The following PTPRA variants were observed in gnomAD, a reference collection of about 807,000 sequenced individuals.
PTPRA encodes receptor-type tyrosine-protein phosphatase alpha.
Under a neutral mutation model 104.8 loss-of-function variants are expected in PTPRA, and 25 were observed. The observed-to-expected ratio is 0.24, with a 90% confidence interval of 0.17 to 0.33. The LOEUF is 0.33. Ranked by LOEUF, PTPRA falls within the 10% of genes least tolerant of loss-of-function variation. The pLI is 1.00. For missense variants in PTPRA, 765 were observed against 1,015.3 expected, an observed-to-expected ratio of 0.75 and a Z score of 3.35; for synonymous variants, 323 against 368.9, an observed-to-expected ratio of 0.88 and a Z score of 1.43.
chr20:3,008,660 G>A (rs2063986614), intron 11 of PTPRA, among the ~76,000 whole-genome samples: 1 of 150,458 alleles, frequency 6.6e-6, no homozygotes, highest in South Asian at 2.1e-4. Flanking sequence ...GGGAGGCCAA[G>A]GCGGTGGATC....
chr20:2,930,997 T>C (rs913288744), intron 2 of PTPRA, among the ~76,000 whole-genome samples: 1 of 152,184 alleles, frequency 6.6e-6, no homozygotes, highest in African/African-American at 2.4e-5. Flanking sequence ...GGAAGACTCC[T>C]TGGGGATGGG....
chr20:2,996,290 T>G (rs1387735128), intron 9 of PTPRA, among the ~76,000 whole-genome samples: 1 of 152,318 alleles, frequency 6.6e-6, no homozygotes, highest in East Asian at 1.9e-4. Flanking sequence ...CCCTGCTTCT[T>G]CCTAGTTTTC....
At chr20:2,865,131 AT>A in the PTPRA span, 1 of 1,614,020 alleles carries the variant, frequency 6.2e-7, no homozygotes, top group Non-Finnish European at 8.5e-7. The surrounding 1 kb of genome is among the most constrained non-coding windows in gnomAD (Gnocchi z 5.2). Flanking sequence ...ATCATGCCTC[AT>A]TATCCGGGTC....
At chr20:2,942,211 T>C (rs1461705255) in intron 2 of PTPRA, among the ~76,000 whole-genome samples, 1 of 152,230 alleles carries the variant, frequency 6.6e-6, no homozygotes, top group East Asian at 1.9e-4. Context: ...TTTATTAATA[T>C]GTTTTCCAAT....
intron 1 of PTPRA, among the ~76,000 whole-genome samples, chr20:2,882,394 A>G (rs1485321365): frequency 6.6e-6 from 1 of 150,768 alleles, no homozygotes; most frequent in East Asian, 1.9e-4. Flanking sequence ...GTCTCAAGTG[A>G]TCATCCTACC....
intron 2 of PTPRA, among the ~76,000 whole-genome samples, chr20:2,944,198 C>A (rs1388867728): frequency 6.6e-6 from 1 of 151,954 alleles, no homozygotes; most frequent in African/African-American, 2.4e-5. Flanking sequence ...ACACCACTAC[C>A]ACCTGGCTAA....
chr20:3,037,299 C>A lies in PTPRA; in HGVS notation c.2334+10C>A, dbSNP rs2065846682. ...CATGGTCCAGACACTGGTATGCTGC[C>A]CACATATTTGTCCCTGCCACCACAC... On this transcript the variant is annotated intron_variant, in intron 23 of 23. Coordinates refer to ENST00000399903, the MANE Select transcript of PTPRA (RefSeq NM_001385305.1). This position sits in a 1 kb window ranked among gnomAD's most constrained non-coding sequence, Gnocchi z 4.3. 6.2e-7 allele frequency: 1 copy of A among 1,613,320 alleles called. No individual in the cohort carries two copies. The highest frequency in any genetic ancestry group is 1.3e-5 in the African/African-American group (1 of 74,914).
chr20:2,878,343 G>A (rs2089859249), intron 1 of PTPRA, among the ~76,000 whole-genome samples: 1 of 152,050 alleles, frequency 6.6e-6, no homozygotes, highest in Admixed American at 6.6e-5. Context: ...CACCTGAATA[G>A]CTGGGACTGC....
At chr20:2,886,538 C>A (rs1007709916) in intron 1 of PTPRA, among the ~76,000 whole-genome samples, 6 of 152,012 alleles carry the variant, frequency 3.9e-5, no homozygotes, top group Non-Finnish European at 8.8e-5. Flanking sequence ...GATTTCATGT[C>A]CATTTGTTAG....
intron 1 of PTPRA, among the ~76,000 whole-genome samples, chr20:2,880,692 A>G (rs1035951541): frequency 1.1e-4 from 17 of 152,200 alleles, no homozygotes; most frequent in Non-Finnish European, 1.2e-4. Context: ...GTGCTCTGTC[A>G]TTAATAGGAA....
chr20:2,871,689 C>T (rs946443632), upstream of PTPRA, among the ~76,000 whole-genome samples: 3 of 152,186 alleles, frequency 2.0e-5, no homozygotes, highest in Admixed American at 1.3e-4. Flanking sequence ...ACTTTGACTT[C>T]CTGCTTTTCA....
At chr20:2,945,434 G>A (rs1443069117) in intron 2 of PTPRA, among the ~76,000 whole-genome samples, 1 of 152,090 alleles carries the variant, frequency 6.6e-6, no homozygotes, top group African/African-American at 2.4e-5. Flanking sequence ...AAGCAGGGCT[G>A]TAGTCCCTAC....
intron 13 of PTPRA, among the ~76,000 whole-genome samples, chr20:3,019,858 G>A (rs568215425): frequency 6.6e-5 from 10 of 152,188 alleles, no homozygotes; most frequent in African/African-American, 1.4e-4. Context: ...GATCACTTGC[G>A]GTTAGGAGCT....
At chr20:2,929,881 T>C (rs192775430) in intron 2 of PTPRA, among the ~76,000 whole-genome samples, 27 of 152,258 alleles carry the variant, frequency 1.8e-4, no homozygotes, top group Admixed American at 8.5e-4. Flanking sequence ...TAGGGTGGGC[T>C]CTAATTTGAT....
At chr20:3,002,714 T>C (rs554619085) in intron 9 of PTPRA, among the ~76,000 whole-genome samples, 4 of 152,358 alleles carry the variant, frequency 2.6e-5, no homozygotes, top group African/African-American at 7.2e-5. Context: ...TTCTTGCTCC[T>C]CTCTAGTCCA....
chr20:2,964,172 A>G lies in PTPRA; in HGVS notation c.-6-100A>G, dbSNP rs190778774. ...CAAAAGATCATTGGTTTAGGCACAC[A>G]TTTTAATAGCTTGGAAATCCAGAAT... On this transcript the variant is annotated intron_variant, in intron 3 of 23. Coordinates refer to ENST00000399903, the MANE Select transcript of PTPRA (RefSeq NM_001385305.1). 9.9e-5 allele frequency: 99 copies of G among 1,001,440 alleles called. 1 individual carries two copies. In the African/African-American group the frequency reaches 1.5e-3, roughly 15 times the overall value. The allele number at this position is 1,001,440 out of a possible 1,614,324, so 62.0% of individuals were successfully genotyped here. A position where few individuals can be genotyped will look rare whatever the true frequency, so the allele number is the denominator to read the frequency against.
intron 1 of PTPRA, among the ~76,000 whole-genome samples, chr20:2,882,296 C>CTT (rs563182313): frequency 5.2e-4 from 73 of 139,342 alleles, no homozygotes; most frequent in African/African-American, 1.4e-3. Flanking sequence ...TTCTTTCTTT[C>CTT]TTTTTTTTTT....
chr20:2,997,804 T>C (rs1000490142), intron 9 of PTPRA, among the ~76,000 whole-genome samples: 2 of 152,166 alleles, frequency 1.3e-5, no homozygotes, highest in African/African-American at 4.8e-5. Flanking sequence ...TAAGGCATTA[T>C]CAAGGTTTAA....
intron 3 of PTPRA, among the ~76,000 whole-genome samples, chr20:2,963,986 G>GCTAT (rs2061853890): frequency 6.7e-6 from 1 of 149,528 alleles, no homozygotes; most frequent in Admixed American, 6.7e-5. Flanking sequence ...GCTGCACTGA[G>GCTAT]CTATGATCAT....
Sources: allele counts gnomAD v4.1 joint callset (sites outside exome capture counted in the v4.1 genomes callset), GRCh38; gene constraint gnomAD v4.1.1; non-coding constraint Gnocchi (gnomAD v3.1); transcripts MANE v1.5; gene names NCBI Gene and HGNC (gene_info 2026-07-23, HGNC 2026-07-21).